RBFOX1: variants seen among roughly 807,000 people sequenced by gnomAD.
The protein encoded by RBFOX1 is RNA binding fox-1 homolog 1, also known as RNA binding protein fox-1 homolog 1.
RBFOX1 carries 8 observed loss-of-function variants against 57.7 expected under a neutral mutation model. The observed-to-expected ratio is 0.14, with a 90% CI of 0.08 to 0.25. RBFOX1 has a LOEUF of 0.25. RBFOX1 is among the 10% of genes least tolerant of loss of function. The pLI is 1.00. For synonymous variants in RBFOX1, 326 were observed against 222.4 expected (o/e 1.47, Z -4.15); for missense variants, 611 against 548.5 (o/e 1.11, Z -1.14).
chr16:7,188,018 G>A (rs1256616629), intron 4 of RBFOX1, among the ~76,000 whole-genome samples: 1 of 152,172 alleles, frequency 6.6e-6, no homozygotes, highest in Non-Finnish European at 1.5e-5. Context: ...GTTATCTCTA[G>A]ATAGTGAGAT....
intron 4 of RBFOX1, among the ~76,000 whole-genome samples, chr16:7,294,509 G>C (rs931938840): frequency 1.3e-5 from 2 of 148,528 alleles, no homozygotes; most frequent in African/African-American, 4.9e-5. Flanking sequence ...AATGATGATA[G>C]GAAAGTGTTG....
intron 1 of RBFOX1, among the ~76,000 whole-genome samples, chr16:6,310,791 G>C (rs568485734): frequency 4.2e-4 from 64 of 152,060 alleles, no homozygotes; most frequent in African/African-American, 1.5e-3. Context: ...AGTCTATAGA[G>C]ATGCTAACTG....
chr16:7,195,064 AATT>A (rs1294969954), intron 4 of RBFOX1, among the ~76,000 whole-genome samples: 1 of 152,192 alleles, frequency 6.6e-6, no homozygotes, highest in Non-Finnish European at 1.5e-5. Flanking sequence ...AACTTTAAAA[AATT>A]ATACTCTCTG....
chr16:6,849,122 A>G (rs72768827), intron 3 of RBFOX1, among the ~76,000 whole-genome samples: 7,965 of 152,230 alleles, frequency 0.052, 325 homozygotes, highest in East Asian at 0.18. Context: ...TGTGATTTAT[A>G]TATAATCATC....
chr16:7,482,846 A>G (rs897615921), intron 4 of RBFOX1, among the ~76,000 whole-genome samples: 1 of 152,124 alleles, frequency 6.6e-6, no homozygotes, highest in Non-Finnish European at 1.5e-5. Flanking sequence ...CCTGAACACC[A>G]TGTACAGGAG....
intron 1 of RBFOX1, among the ~76,000 whole-genome samples, chr16:5,266,094 A>G (rs1216770264): frequency 6.6e-6 from 1 of 152,154 alleles, no homozygotes; most frequent in Non-Finnish European, 1.5e-5. Context: ...CTGCCTCCAA[A>G]TGACATTTCT....
intron 4 of RBFOX1, among the ~76,000 whole-genome samples, chr16:7,177,115 T>C (rs1185760687): frequency 1.3e-5 from 2 of 152,322 alleles, no homozygotes; most frequent in Middle Eastern, 6.8e-3. Context: ...TTTAGTATTG[T>C]AGAACTGTGC....
chr16:7,168,073 A>G (rs1166757536), intron 4 of RBFOX1, among the ~76,000 whole-genome samples: 4 of 152,220 alleles, frequency 2.6e-5, no homozygotes, highest in Non-Finnish European at 4.4e-5. Context: ...ATGTTCCAGA[A>G]TAGTTGACAG....
chr16:6,878,987 G>C (rs2062377928), intron 3 of RBFOX1, among the ~76,000 whole-genome samples: 1 of 152,072 alleles, frequency 6.6e-6, no homozygotes, highest in South Asian at 2.1e-4. Flanking sequence ...CTTGTATAAG[G>C]TCATGCAAAT....
At chr16:7,206,094 T>C (rs1166376622) in intron 4 of RBFOX1, among the ~76,000 whole-genome samples, 1 of 152,142 alleles carries the variant, frequency 6.6e-6, no homozygotes, top group Non-Finnish European at 1.5e-5. Flanking sequence ...GTTAAGCAGG[T>C]TTAGGGAAGT....
At chr16:5,523,373 G>T (rs1394307060) in intron 2 of RBFOX1, among the ~76,000 whole-genome samples, 1 of 152,172 alleles carries the variant, frequency 6.6e-6, no homozygotes, top group Non-Finnish European at 1.5e-5. Context: ...CCCACACTTT[G>T]GGAGGCTGAG....
intron 4 of RBFOX1, among the ~76,000 whole-genome samples, chr16:7,106,580 T>C (rs558080001): frequency 1.7e-4 from 26 of 152,272 alleles, no homozygotes; most frequent in Non-Finnish European, 2.8e-4. Context: ...GACTTCTTTT[T>C]AATCTTTTAG....
At chr16:5,832,667 C>G (rs1479629181) in intron 3 of RBFOX1, among the ~76,000 whole-genome samples, 1 of 152,146 alleles carries the variant, frequency 6.6e-6, no homozygotes, top group Non-Finnish European at 1.5e-5. Context: ...AATTGTGGGT[C>G]AATTAGCCTA....
intron 3 of RBFOX1, among the ~76,000 whole-genome samples, chr16:5,783,935 A>T (rs1046341328): frequency 6.6e-6 from 1 of 152,182 alleles, no homozygotes; most frequent in Non-Finnish European, 1.5e-5. Flanking sequence ...CTAGCCCCCA[A>T]GGTTTTGGTA....
intron 3 of RBFOX1, among the ~76,000 whole-genome samples, chr16:5,762,458 C>A (rs2053625479): frequency 6.6e-6 from 1 of 151,690 alleles, no homozygotes. Context: ...CAACGTGGAA[C>A]AACCTTTTGT....
intron 4 of RBFOX1, among the ~76,000 whole-genome samples, chr16:5,927,438 G>T (rs1597823488): frequency 1.3e-5 from 2 of 152,298 alleles, no homozygotes; most frequent in East Asian, 3.9e-4. Flanking sequence ...TTATCAAAAA[G>T]TCAAAAGGTA....
At chr16:5,420,597 C>T (rs757274338) in intron 1 of RBFOX1, among the ~76,000 whole-genome samples, 15 of 152,066 alleles carry the variant, frequency 9.9e-5, no homozygotes, top group South Asian at 2.1e-4. Flanking sequence ...CAATCTTGAC[C>T]TCCCCAGGCT....
chr16:6,132,984 GA>G (rs146415031), intron 1 of RBFOX1, among the ~76,000 whole-genome samples: 3 of 147,804 alleles, frequency 2.0e-5, no homozygotes, highest in Admixed American at 6.7e-5. Context: ...AAAAAGAAAA[GA>G]AAAAAAAGAC....
chr16:5,427,466 C>A (rs2067596285), intron 1 of RBFOX1, among the ~76,000 whole-genome samples: 2 of 151,972 alleles, frequency 1.3e-5, no homozygotes, highest in African/African-American at 4.8e-5. Flanking sequence ...GTGCCTGTAA[C>A]CCCAGCTACT....
Sources: gnomAD v4.1 joint callset for allele counts (sites outside exome capture counted in the v4.1 genomes callset) on GRCh38, gnomAD v4.1.1 for gene constraint, MANE v1.5 for transcripts, NCBI Gene and HGNC (gene_info 2026-07-23, HGNC 2026-07-21) for gene names.